ADGRL3: variants seen among roughly 807,000 people sequenced by gnomAD.
The protein encoded by ADGRL3 is calcium-independent alpha-latrotoxin receptor 3.
Under a neutral mutation model 153.5 loss-of-function variants are expected in ADGRL3, and 62 were observed. That is an observed-to-expected ratio of 0.40 (90% CI 0.33 to 0.50). ADGRL3 has a LOEUF of 0.50. Among genes scored for constraint, ADGRL3 ranks in the 20% least tolerant of loss-of-function variants. The probability of loss-of-function intolerance (pLI) is 0.47; values close to 1 mark genes in which losing one functional copy is unlikely to be tolerated. For synonymous variants in ADGRL3, 710 were observed against 672.5 expected, an observed-to-expected ratio of 1.06 and a Z score of -0.86; for missense variants, 1,641 against 1,859.4, an observed-to-expected ratio of 0.88 and a Z score of 2.16.
At chr4:61,849,718 T>G (rs1343465555) in intron 9 of ADGRL3, among the ~76,000 whole-genome samples, 1 of 152,144 alleles carries the variant, frequency 6.6e-6, no homozygotes, top group East Asian at 1.9e-4. Context: ...CAATTCTTTC[T>G]TACAAATATT....
At position 61,947,141 on chromosome 4, in the gene ADGRL3, A is replaced by C; in HGVS notation, c.2628+19A>C. On this transcript the variant is annotated intron_variant, in intron 16 of 26. Transcript: ENST00000683033. The stretch of plus-strand genomic sequence containing the variant: ...TATCAAGGTAAGAAAATGGCATATT[A>C]GCTTGGTTGTTCATATTATCTGTAT... 1 of 1,582,290 alleles carries C rather than the reference A, an allele frequency of 6.3e-7. No individual in the cohort carries two copies. Among genetic ancestry groups the C allele is most frequent in the South Asian group, 1.1e-5 (1 of 90,294 alleles).
At chr4:61,708,637 A>G (rs2095899926) in intron 6 of ADGRL3, among the ~76,000 whole-genome samples, 1 of 152,118 alleles carries the variant, frequency 6.6e-6, no homozygotes, top group African/African-American at 2.4e-5. Context: ...TTTACTGCAC[A>G]GATCAGATGG....
At chr4:61,927,794 C>T (rs1286624469) in intron 13 of ADGRL3, among the ~76,000 whole-genome samples, 1 of 151,906 alleles carries the variant, frequency 6.6e-6, no homozygotes, top group Non-Finnish European at 1.5e-5. Flanking sequence ...CTTCATTTTA[C>T]TTTATTTTCA....
At chr4:61,844,575 A>AAAAAAAAAAAAATATATAT (rs1554045137) in intron 9 of ADGRL3, among the ~76,000 whole-genome samples, 1 of 18,096 alleles carries the variant, frequency 5.5e-5, no homozygotes, top group Non-Finnish European at 8.4e-5. Context: ...AAAAAAAAAA[A>AAAAAAAAAAAAATATATAT]ATATATATAT....
intron 6 of ADGRL3, among the ~76,000 whole-genome samples, chr4:61,696,319 T>G (rs572795072): frequency 6.6e-6 from 1 of 152,156 alleles, no homozygotes; most frequent in Non-Finnish European, 1.5e-5. Flanking sequence ...CTTTCTAGGA[T>G]AGGGTTTTTC....
chr4:61,467,870 A>G (rs1273521231), intron 2 of ADGRL3, among the ~76,000 whole-genome samples: 1 of 152,178 alleles, frequency 6.6e-6, no homozygotes, highest in African/African-American at 2.4e-5. Flanking sequence ...AAGAATTCAC[A>G]TCTTAATGGT....
intron 8 of ADGRL3, among the ~76,000 whole-genome samples, chr4:61,746,510 T>C (rs1402513633): frequency 6.6e-6 from 1 of 152,152 alleles, no homozygotes. Context: ...AAACTCTCTC[T>C]GAGACCACAG....
chr4:61,761,923 T>C (rs1179548397), intron 8 of ADGRL3, among the ~76,000 whole-genome samples: 1 of 152,228 alleles, frequency 6.6e-6, no homozygotes, highest in Non-Finnish European at 1.5e-5. Context: ...AGAGTGAGAC[T>C]CTGTCTCTAA....
Position 62,070,881 on chromosome 4 carries a change from A to G in ADGRL3, c.4605A>G (p.Gly1535=). The change falls in exon 27 of 27, where the codon GGA becomes GGG. Residue 1535 remains glycine (G), a synonymous_variant. Transcript: ENST00000683033. The part of the protein sequence containing the change: ...DGTPPEGSSK[G]PAHLVTSL ...CCCCTCCCGAGGGAAGTTCAAAAGG[A>G]CCGGCTCATTTGGTCACTAGTCTAT... The G allele has an allele frequency of 6.4e-7, 1 of 1,550,642 alleles. No homozygotes were observed. Among genetic ancestry groups the G allele is most frequent in the Non-Finnish European group, 8.7e-7 (1 of 1,146,374 alleles).
chr4:61,653,934 A>T (rs187002257), intron 5 of ADGRL3, among the ~76,000 whole-genome samples: 1 of 152,306 alleles, frequency 6.6e-6, no homozygotes, highest in East Asian at 1.9e-4. Context: ...AGGTAGGCAA[A>T]TAGATGTCGC....
intron 4 of ADGRL3, among the ~76,000 whole-genome samples, chr4:61,558,795 A>C (rs920161634): frequency 6.6e-6 from 1 of 151,962 alleles, no homozygotes; most frequent in African/African-American, 2.4e-5. Context: ...CCTCCATGGG[A>C]CCATTTTATT....
At chr4:61,830,015 A>T (rs1901221) in intron 9 of ADGRL3, among the ~76,000 whole-genome samples, 59,235 of 149,198 alleles carry the variant, frequency 0.4, 12,443 homozygotes, top group East Asian at 0.62. Context: ...AAAAAAAAAA[A>T]TTTTTTTTTT....
intron 2 of ADGRL3, among the ~76,000 whole-genome samples, chr4:61,399,032 T>G (rs575016951): frequency 1.1e-4 from 17 of 151,866 alleles, no homozygotes; most frequent in African/African-American, 3.4e-4. Context: ...TCATATATTC[T>G]AATTAGAAAT....
intron 2 of ADGRL3, chr4:61,425,557 C>A (rs1304429825): frequency 1.3e-5 from 2 of 152,314 alleles, no homozygotes; most frequent in Non-Finnish European, 2.9e-5. Context: ...AAGGATGAAT[C>A]ATGCCCTTCA....
At chr4:61,260,527 G>A (rs191712866) in intron 1 of ADGRL3, among the ~76,000 whole-genome samples, 1 of 152,086 alleles carries the variant, frequency 6.6e-6, no homozygotes, top group African/African-American at 2.4e-5. Context: ...TGTTGGAAAA[G>A]TTACTTAATG....
chr4:61,422,188 G>A (rs1268674839), intron 2 of ADGRL3, among the ~76,000 whole-genome samples: 1 of 152,094 alleles, frequency 6.6e-6, no homozygotes. Flanking sequence ...TTCTGACTGG[G>A]GAGTCTTGAG....
At chr4:62,057,306 C>T (rs1017495604) in intron 25 of ADGRL3, among the ~76,000 whole-genome samples, 3 of 152,136 alleles carry the variant, frequency 2.0e-5, no homozygotes, top group African/African-American at 7.2e-5. Context: ...AATGTCAAAA[C>T]ACCTATTCTA....
At chr4:61,948,727 G>T (rs1463405176) in intron 17 of ADGRL3, among the ~76,000 whole-genome samples, 1 of 152,096 alleles carries the variant, frequency 6.6e-6, no homozygotes, top group Non-Finnish European at 1.5e-5. Flanking sequence ...TAGTGCAAAG[G>T]ACTTGGCATA....
intron 3 of ADGRL3, among the ~76,000 whole-genome samples, chr4:61,516,955 A>T (rs182016602): frequency 6.6e-6 from 1 of 152,106 alleles, no homozygotes; most frequent in African/African-American, 2.4e-5. Context: ...AGTGCCCTTA[A>T]TTTACATTAG....
Sources: gnomAD v4.1 joint callset for allele counts (sites outside exome capture counted in the v4.1 genomes callset) on GRCh38, gnomAD v4.1.1 for gene constraint, MANE v1.5 for transcripts, NCBI Gene and HGNC (gene_info 2026-07-23, HGNC 2026-07-21) for gene names.